Variants in DLST observed in about 807,000 individuals in gnomAD.
The protein encoded by DLST is dihydrolipoamide S-succinyltransferase.
DLST carries 17 observed loss-of-function variants against 53.1 expected under a neutral mutation model. That is an observed-to-expected ratio of 0.32 (90% CI 0.22 to 0.48). The LOEUF (loss-of-function observed/expected upper bound fraction) is 0.48. Ranked by LOEUF, DLST falls within the 20% of genes least tolerant of loss-of-function variation. The probability of loss-of-function intolerance (pLI) is 0.99; values close to 1 mark genes in which losing one functional copy is unlikely to be tolerated. For synonymous variants in DLST, 206 were observed against 204.8 expected, an observed-to-expected ratio of 1.01 and a Z score of -0.05; for missense variants, 512 against 583.9, an observed-to-expected ratio of 0.88 and a Z score of 1.27.
In DLST at chr14:74,902,231, C is replaced by T; in HGVS notation, c.1263C>T (p.Thr421=). The T allele has an allele frequency of 1.2e-6, 2 of 1,612,208 alleles. No homozygotes were observed. Among genetic ancestry groups the T allele is most frequent in the Non-Finnish European group, 1.7e-6 (2 of 1,178,948 alleles). ...GGCCCATGATGTACGTGGCACTGAC[C>T]TATGATCACCGGCTGATTGATGGCA... The part of the protein sequence containing the change: ...EVRPMMYVAL[T]YDHRLIDGRE... The change falls in exon 15 of 15, where the codon ACC becomes ACT. Residue 421 remains threonine (T), a synonymous_variant. Coordinates refer to ENST00000334220, the MANE Select transcript of DLST (RefSeq NM_001933.5).
chr14:74,882,487 C>G (rs1013562815), intron 1 of DLST, 104 bp from the exon 2 acceptor site: 3 of 1,139,444 alleles, frequency 2.6e-6, no homozygotes, highest in African/African-American at 3.1e-5. Flanking sequence ...TTACGAGATT[C>G]ACCTGTCACC....
intron 3 of DLST, among the ~76,000 whole-genome samples, chr14:74,887,235 A>G (rs1035943276): frequency 6.6e-6 from 1 of 152,222 alleles, no homozygotes; most frequent in Non-Finnish European, 1.5e-5. Context: ...AGCAGGTTAC[A>G]AAATAATTTC....
chr14:74,891,372 T>TTA, intron 7 of DLST: 9 of 1,300,060 alleles, frequency 6.9e-6, no homozygotes, highest in Non-Finnish European at 7.9e-6. Context: ...AAAATAAACC[T>TTA]TATACTCTGT....
chr14:74,901,887 G>T (rs1402093146), intron 14 of DLST, among the ~76,000 whole-genome samples: 2 of 150,634 alleles, frequency 1.3e-5, no homozygotes, highest in Non-Finnish European at 2.9e-5. Flanking sequence ...AGAGAAGCAA[G>T]TACAGGCAGC....
intron 10 of DLST, among the ~76,000 whole-genome samples, chr14:74,896,539 G>A (rs1884082341): frequency 6.6e-6 from 1 of 152,170 alleles, no homozygotes; most frequent in Non-Finnish European, 1.5e-5. Flanking sequence ...TCTTGATAGT[G>A]CGCTGTGGCA....
chr14:74,886,766 G>A (rs1883718230), intron 3 of DLST, among the ~76,000 whole-genome samples: 1 of 151,752 alleles, frequency 6.6e-6, no homozygotes. Context: ...TTTCAAGATG[G>A]AGTCTTGCTC....
chr14:74,901,114 A>G lies in DLST; in HGVS notation c.1108A>G (p.Thr370Ala), dbSNP rs1488438099. The change falls in exon 14 of 15, where the codon ACC (threonine) becomes GCC (alanine). Residue 370 changes from threonine (T) to alanine (A), a missense_variant. This residue lies in a region of DLST where 186 missense variants were observed against 260.4 expected (regional missense o/e 0.71). Transcript: ENST00000334220. Reference protein sequence around the residue: ...AIEDMDGGTFTISNGGVFGSL... With the variant: ...AIEDMDGGTFAISNGGVFGSL... The stretch of plus-strand genomic sequence containing the variant: ...TGAAGATATGGATGGCGGTACCTTC[A>G]CCATTAGCAATGGAGGCGTTTTTGG... The G allele has an allele frequency of 1.2e-6, 2 of 1,614,148 alleles. No homozygotes were observed. The highest frequency in any genetic ancestry group is 2.7e-5 in the African/African-American group (2 of 75,036).
rs766322613 is a variant in DLST at position 74,894,339 on chromosome 14, A to G, written c.700A>G (p.Ile234Val). 6.2e-7 allele frequency: 1 copy of G among 1,614,196 alleles called. No individual in the cohort carries two copies. Among genetic ancestry groups the G allele is most frequent in the East Asian group, 2.2e-5 (1 of 44,878 alleles). Residue 234 changes from isoleucine to valine, a missense_variant, in exon 10 of 15, where the codon ATT (isoleucine) becomes GTT (valine). Physicochemically the swap from Ile to Val is conservative, Grantham distance 29. Transcript: ENST00000334220. ...REKMNRMRQR[I>V]AQRLKEAQNT... Reference sequence around the variant, plus strand: ...GAAAATGAACAGGATGCGGCAGCGCATTGCTCAGCGTCTGAAGGAGGCCCA... The same window carrying G: ...GAAAATGAACAGGATGCGGCAGCGCGTTGCTCAGCGTCTGAAGGAGGCCCA...
At chr14:74,882,649 T>G in intron 2 of DLST, 25 bp downstream of exon 2, 1 of 1,612,408 alleles carries the variant, frequency 6.2e-7, no homozygotes. Flanking sequence ...TACCGTCACC[T>G]AAAATGCTCT....
chr14:74,885,157 T>C (rs1405116540), intron 2 of DLST, among the ~76,000 whole-genome samples: 1 of 152,182 alleles, frequency 6.6e-6, no homozygotes, highest in Non-Finnish European at 1.5e-5. Context: ...CCAAACATCC[T>C]CCTTGCTTCT....
chr14:74,900,926 A>C lies in DLST; in HGVS notation c.1060-140A>C, dbSNP rs113653669. The stretch of plus-strand genomic sequence containing the variant: ...TTTTTATACAGATGGGGGTCTCACT[A>C]TGTTGCCCAGGTTGGCCTTGAACTC... On this transcript the variant is annotated intron_variant, in intron 13 of 14. Coordinates refer to ENST00000334220, the MANE Select transcript of DLST (RefSeq NM_001933.5). 643 of 809,498 alleles carry C rather than the reference A, an allele frequency of 7.9e-4. 6 individuals are homozygous for C. In the African/African-American group the frequency reaches 0.01, roughly 13 times the overall value. The allele number at this position is 809,498 out of a possible 1,614,324, so 50.1% of individuals were successfully genotyped here. A position where few individuals can be genotyped will look rare whatever the true frequency, so the allele number is the denominator to read the frequency against.
chr14:74,893,332 C>T lies in DLST; in HGVS notation c.596-16C>T, dbSNP rs1176468674. On this transcript the variant is annotated splice_polypyrimidine_tract_variant and intron_variant, in intron 8 of 14. Coordinates refer to ENST00000334220, the MANE Select transcript of DLST (RefSeq NM_001933.5). ...TTTCCTTGTCTGATGCAGCTTTATC[C>T]TCTTTTCATTTTCAGTGTCTGCAGT... is the stretch of plus-strand genomic sequence containing the variant. The T allele has an allele frequency of 1.9e-6, 3 of 1,614,180 alleles. No homozygotes were observed. Among genetic ancestry groups the T allele is most frequent in the Non-Finnish European group, 2.5e-6 (3 of 1,180,002 alleles).
At chr14:74,886,886 C>G (rs1056240913) in intron 3 of DLST, among the ~76,000 whole-genome samples, 1 of 151,982 alleles carries the variant, frequency 6.6e-6, no homozygotes, top group African/African-American at 2.4e-5. Context: ...GGATTACAGG[C>G]GCACGCTACC....
chr14:74,898,325 A>C (rs2140201240), intron 10 of DLST, 44 bp from the exon 11 acceptor site: 2 of 1,596,144 alleles, frequency 1.3e-6, no homozygotes, highest in East Asian at 4.5e-5. Flanking sequence ...GTGAAAGTCA[A>C]AATGCAGGCT....
chr14:74,896,061 T>A (rs1469229159), intron 10 of DLST, among the ~76,000 whole-genome samples: 1 of 152,176 alleles, frequency 6.6e-6, no homozygotes, highest in Non-Finnish European at 1.5e-5. Flanking sequence ...CTCGCTGTGT[T>A]GCCTAGGCTG....
At chr14:74,887,858 A>G (rs1361644794) in intron 3 of DLST, among the ~76,000 whole-genome samples, 1 of 152,244 alleles carries the variant, frequency 6.6e-6, no homozygotes, top group Non-Finnish European at 1.5e-5. Context: ...CATAGACCTT[A>G]TAGTTATTTT....
In DLST at chr14:74,892,965, C is replaced by A; in HGVS notation, c.574C>A (p.Gln192Lys). ...TQMPPVPSPS[Q>K]PPSGKPVSAV... ...GATGCCACCGGTGCCCTCGCCCTCA[C>A]AGCCTCCTTCTGGCAAACCTGGTAG... The change falls in exon 8 of 15, where the codon CAG becomes AAG. Residue 192 changes from glutamine (Q) to lysine (K), a missense_variant. Coordinates refer to ENST00000334220, the MANE Select transcript of DLST (RefSeq NM_001933.5). 3.1e-6 allele frequency: 5 copies of A among 1,613,070 alleles called. No homozygotes were observed. Among genetic ancestry groups the A allele is most frequent in the African/African-American group, 1.3e-5 (1 of 74,992 alleles).
intron 3 of DLST, among the ~76,000 whole-genome samples, chr14:74,886,805 G>T (rs557342264): frequency 6.6e-6 from 1 of 151,826 alleles, no homozygotes; most frequent in African/African-American, 2.4e-5. Context: ...GCAGTGGCGC[G>T]ATCTCGGCTC....
chr14:74,889,023 A>G (rs1883804327), intron 3 of DLST, 72 bp from the exon 4 acceptor site: 5 of 1,509,458 alleles, frequency 3.3e-6, no homozygotes, highest in Non-Finnish European at 4.6e-6. Flanking sequence ...AAGGTGACCC[A>G]TGGGGCCTTA....
Sources: gnomAD v4.1 joint callset for allele counts (sites outside exome capture counted in the v4.1 genomes callset) on GRCh38, gnomAD v4.1.1 for gene constraint, gnomAD v4.1.1 regional missense constraint, MANE v1.5 for transcripts, NCBI Gene and HGNC (gene_info 2026-07-23, HGNC 2026-07-21) for gene names.